NOL4L: variants seen among roughly 807,000 people sequenced by gnomAD.
The protein encoded by NOL4L is nucleolar protein 4-like.
NOL4L carries 7 observed loss-of-function variants against 64.5 expected under a neutral mutation model. The observed-to-expected ratio is 0.11, with a 90% CI of 0.06 to 0.20. NOL4L has a LOEUF of 0.20. NOL4L is among the 10% of genes least tolerant of loss of function. The pLI is 1.00. For synonymous variants in NOL4L, 413 were observed against 401.0 expected (o/e 1.03, Z -0.36); for missense variants, 680 against 967.1 (o/e 0.70, Z 3.94).
intron 4 of NOL4L, among the ~76,000 whole-genome samples, chr20:32,488,821 CTTTCTT>C (rs1436413372): frequency 0.19 from 5,771 of 30,334 alleles, 685 homozygotes; most frequent in East Asian, 0.28. Context: ...TTCTTTCTTT[CTTTCTT>C]TTTCTTTCTT....
rs1333476438 is a variant in NOL4L at position 32,578,108 on chromosome 20, A to AAAGGAAGGAAGG, written c.321+6450_321+6461dup. On this transcript the variant is annotated intron_variant, in intron 1 of 10. Transcript: ENST00000621426. ...ATATTGCGTCAAAAAAGAAAGAGAG[A>AAAGGAAGGAAGG]AAGGAAGGAAGGAAGGAAGGAAGGA... Among the ~76,000 whole-genome samples the AAAGGAAGGAAGG allele has an allele frequency of 9.5e-3, 837 of 88,292 alleles. 31 individuals are homozygous for AAAGGAAGGAAGG. The highest frequency in any genetic ancestry group is 0.021 in the African/African-American group (370 of 17,272). 57.9% of individuals were successfully genotyped at this position (88,292 alleles called of 152,430 possible).
At chr20:32,466,345 C>T (rs2014548680) in intron 5 of NOL4L, among the ~76,000 whole-genome samples, 1 of 152,142 alleles carries the variant, frequency 6.6e-6, no homozygotes, top group Admixed American at 6.5e-5. Flanking sequence ...CAGACAAGGC[C>T]AGGGCTGTGT....
chr20:32,542,361 A>T (rs1416572737), intron 1 of NOL4L, among the ~76,000 whole-genome samples: 2 of 152,118 alleles, frequency 1.3e-5, no homozygotes, highest in Non-Finnish European at 2.9e-5. Flanking sequence ...CTTTTTAAAA[A>T]AATTTTTTTT....
intron 1 of NOL4L, chr20:32,537,040 C>T (rs1158107367): frequency 1.0e-5 from 10 of 984,030 alleles, no homozygotes; most frequent in Non-Finnish European, 1.2e-5. Flanking sequence ...CAACCGGCTC[C>T]CGGCGCACCT....
chr20:32,577,851 C>T (rs1242269787), intron 1 of NOL4L, among the ~76,000 whole-genome samples: 1 of 152,036 alleles, frequency 6.6e-6, no homozygotes, highest in Non-Finnish European at 1.5e-5. Context: ...TCCACTGTAC[C>T]ATTTAATATT....
chr20:32,560,869 C>T (rs1315114968), intron 1 of NOL4L, among the ~76,000 whole-genome samples: 1 of 152,264 alleles, frequency 6.6e-6, no homozygotes, highest in Non-Finnish European at 1.5e-5. Flanking sequence ...CCAGTAGGAG[C>T]TTAGCCAGCA....
In NOL4L at chr20:32,475,311, C is replaced by CTCTTGGG; in HGVS notation, c.700-576_700-570dup. ...ACCTTTGCTGTGCTTCAAAGATACG[C>CTCTTGGG]TCTTGGGCAGCTTCCAGGGCTGAAA... On this transcript the variant is annotated intron_variant, in intron 4 of 10. Transcript: ENST00000621426. 6.1e-6 allele frequency: 6 copies of CTCTTGGG among 985,492 alleles called. No individual in the cohort carries two copies. The South Asian group carries it at 2.8e-4, about 46-fold the overall frequency. 61.0% of individuals were successfully genotyped at this position (985,492 alleles called of 1,614,324 possible). A position where few individuals can be genotyped will look rare whatever the true frequency, so the allele number is the denominator to read the frequency against.
At chr20:32,470,299 C>T (rs1360901739) in intron 5 of NOL4L, among the ~76,000 whole-genome samples, 2 of 152,252 alleles carry the variant, frequency 1.3e-5, no homozygotes, top group Non-Finnish European at 2.9e-5. Flanking sequence ...AGTGGCCCCG[C>T]CTGCCGGGTC....
intron 4 of NOL4L, among the ~76,000 whole-genome samples, chr20:32,503,272 T>C (rs1050528396): frequency 6.6e-6 from 1 of 152,208 alleles, no homozygotes; most frequent in Non-Finnish European, 1.5e-5. Context: ...ATGTGGTCGA[T>C]GGCATTTCAG....
At position 32,557,923 on chromosome 20, in the gene NOL4L, G is replaced by C. The variant is rs575725256; in HGVS notation, c.321+26647C>G. 3.3e-5 allele frequency among the ~76,000 whole-genome samples: 5 copies of C among 152,260 alleles called. No individual in the cohort carries two copies. In the South Asian group the frequency reaches 1.0e-3, roughly 32 times the overall value. The stretch of plus-strand genomic sequence containing the variant: ...CTACAAAAAATATAAAAAGTAGCCA[G>C]GCATGGTGGCACCCACCTGTAATCC... On this transcript the variant is annotated intron_variant, in intron 1 of 10. Coordinates refer to ENST00000621426, the MANE Select transcript of NOL4L (RefSeq NM_001256798.2).
intron 4 of NOL4L, chr20:32,475,302 AAAGATACGCTCTTGG>A: frequency 1.0e-6 from 1 of 985,462 alleles, no homozygotes; most frequent in Non-Finnish European, 1.2e-6. Flanking sequence ...GCTGTGCTTC[AAAGATACGCTCTTGG>A]GCAGCTTCCA....
At chr20:32,478,687 C>T (rs749359639) in intron 4 of NOL4L, among the ~76,000 whole-genome samples, 3 of 152,184 alleles carry the variant, frequency 2.0e-5, no homozygotes, top group Non-Finnish European at 2.9e-5. Flanking sequence ...ACTACAGCCT[C>T]GACCCCCCAG....
At chr20:32,493,535 A>T (rs1422229201) in intron 4 of NOL4L, among the ~76,000 whole-genome samples, 1 of 152,062 alleles carries the variant, frequency 6.6e-6, no homozygotes, top group East Asian at 1.9e-4. Flanking sequence ...TGGTTTCCTC[A>T]TCTCTAAAAT....
At chr20:32,581,198 G>A (rs1367173658) in intron 1 of NOL4L, among the ~76,000 whole-genome samples, 1 of 152,116 alleles carries the variant, frequency 6.6e-6, no homozygotes, top group Non-Finnish European at 1.5e-5. Context: ...TCTACTTCCT[G>A]TGACAACCTG....
At chr20:32,536,197 C>T (rs2018516522) in intron 1 of NOL4L, 1 of 985,478 alleles carries the variant, frequency 1.0e-6, no homozygotes, top group African/African-American at 1.7e-5. Context: ...CGACCCGCCT[C>T]CCGGGGCACC....
intron 5 of NOL4L, among the ~76,000 whole-genome samples, chr20:32,469,497 G>C (rs552543269): frequency 1.3e-5 from 2 of 151,922 alleles, no homozygotes; most frequent in African/African-American, 2.4e-5. Context: ...TCAGCCTCCG[G>C]AGTAGCTGGG....
intron 1 of NOL4L, among the ~76,000 whole-genome samples, chr20:32,576,327 G>A (rs1980101415): frequency 6.6e-6 from 1 of 152,192 alleles, no homozygotes; most frequent in Non-Finnish European, 1.5e-5. Flanking sequence ...ATGAGACATG[G>A]TAGAATTTGA....
chr20:32,470,611 C>T (rs185054294), intron 5 of NOL4L, among the ~76,000 whole-genome samples: 1 of 152,336 alleles, frequency 6.6e-6, no homozygotes, highest in East Asian at 1.9e-4. Context: ...GGCATCCTCC[C>T]TCCACACCCT....
chr20:32,579,919 C>T (rs1980361336), intron 1 of NOL4L, among the ~76,000 whole-genome samples: 1 of 152,210 alleles, frequency 6.6e-6, no homozygotes, highest in Admixed American at 6.5e-5. Context: ...CACCCCACAC[C>T]CATCTTCATG....
Sources: gnomAD v4.1 joint callset for allele counts (sites outside exome capture counted in the v4.1 genomes callset) on GRCh38, gnomAD v4.1.1 for gene constraint, MANE v1.5 for transcripts, NCBI Gene and HGNC (gene_info 2026-07-23, HGNC 2026-07-21) for gene names.